CDON: variants seen among roughly 807,000 people sequenced by gnomAD.
The protein encoded by CDON is cell adhesion associated, oncogene regulated, also known as cell adhesion molecule-related/down-regulated by oncogenes.
CDON carries 73 observed loss-of-function variants against 120.9 expected under a neutral mutation model. The observed-to-expected ratio is 0.60, with a 90% CI of 0.50 to 0.73. The LOEUF is 0.73. CDON is among the 30% of genes least tolerant of loss of function. The pLI, the probability that CDON is intolerant of heterozygous loss-of-function variation, is 0.00. For missense variants in CDON, 1,470 were observed against 1,587.3 expected (o/e 0.93, Z 1.26); for synonymous variants, 566 against 573.5 (o/e 0.99, Z 0.19).
intron 18 of CDON, among the ~76,000 whole-genome samples, chr11:125,976,690 A>C (rs531343718): frequency 1.3e-5 from 2 of 152,070 alleles, no homozygotes; most frequent in Admixed American, 6.6e-5. Context: ...CAGAGGTCAT[A>C]TAAGTCCTTC....
chr11:125,966,934 A>G (rs548748496), intron 18 of CDON, among the ~76,000 whole-genome samples: 2 of 152,196 alleles, frequency 1.3e-5, no homozygotes, highest in African/African-American at 4.8e-5. Context: ...TAGACAACAA[A>G]GCTGGGAAAA....
In CDON at chr11:126,007,277, G is replaced by A. The variant is rs142371351; in HGVS notation, c.1553-1220C>T. 5.1e-3 allele frequency among the ~76,000 whole-genome samples: 773 copies of A among 152,330 alleles called. 10 individuals carry two copies. Among genetic ancestry groups the A allele is most frequent in the African/African-American group, 0.015 (618 of 41,574 alleles). On this transcript the variant is annotated intron_variant, in intron 8 of 19. Coordinates refer to ENST00000531738, the MANE Select transcript of CDON (RefSeq NM_001378964.1). ...ACCAACAGAAAACAGGACTGACAGT[G>A]TAAGGTTAGTTCTCTGTTAGTTTAA...
rs142919781 is a variant in CDON at position 125,995,023 on chromosome 11, T to C, written c.2392A>G (p.Ile798Val). The C allele has an allele frequency of 9.0e-4, 1,449 of 1,614,126 alleles. 11 individuals are homozygous for C. The African/African-American group carries it at 0.015, about 17-fold the overall frequency. Residue 798 changes from isoleucine (I) to valine (V), a missense_variant, in exon 13 of 20, where the codon ATC (isoleucine) becomes GTC (valine). Physicochemically the swap from Ile to Val is conservative, Grantham distance 29. Transcript: ENST00000531738. ...CGAAAACTCTCACCATAATGGTTGA[T>C]GGCAATGACCCTAAATTTGTATGTT... ...GSTYKFRVIA[I>V]NHYGESFRSS...
intron 14 of CDON, among the ~76,000 whole-genome samples, chr11:125,992,816 T>G (rs906636776): frequency 2.6e-5 from 4 of 152,238 alleles, no homozygotes; most frequent in Admixed American, 6.5e-5. Flanking sequence ...AGAAGTCATA[T>G]GGAAAATAAC....
At chr11:126,000,923 C>A (rs931489420) in intron 11 of CDON, among the ~76,000 whole-genome samples, 22 of 152,066 alleles carry the variant, frequency 1.4e-4, no homozygotes, top group Non-Finnish European at 2.9e-5. Flanking sequence ...GCACACCTGG[C>A]TATAAGTGTA....
chr11:126,013,288 A>G (rs756780451), intron 7 of CDON, among the ~76,000 whole-genome samples: 9 of 152,026 alleles, frequency 5.9e-5, no homozygotes, highest in Non-Finnish European at 8.8e-5. Context: ...TTGGGCTTTG[A>G]TTTTCCTTTC....
intron 15 of CDON, 58 bp from the exon 16 acceptor site, chr11:125,984,151 G>C: frequency 8.0e-7 from 1 of 1,243,724 alleles, no homozygotes; most frequent in Non-Finnish European, 1.2e-6. Context: ...CCATGAAATG[G>C]TTTACTCTCT....
intron 1 of CDON, among the ~76,000 whole-genome samples, chr11:126,050,066 T>A (rs564692726): frequency 6.6e-6 from 1 of 152,172 alleles, no homozygotes; most frequent in South Asian, 2.1e-4. Flanking sequence ...ATGAAATGAC[T>A]TCTTTAGAAG....
At chr11:126,048,233 A>G (rs1038360240) in intron 1 of CDON, among the ~76,000 whole-genome samples, 2 of 150,218 alleles carry the variant, frequency 1.3e-5, no homozygotes, top group Admixed American at 1.4e-4. Context: ...CAGTGAGCCG[A>G]CATCGCACCA....
chr11:126,059,452 C>T (rs1454400478), intron 1 of CDON, among the ~76,000 whole-genome samples: 1 of 152,060 alleles, frequency 6.6e-6, no homozygotes, highest in Non-Finnish European at 1.5e-5. Flanking sequence ...ATGGAGTCTT[C>T]TAATGTAGCC....
chr11:125,977,671 A>G (rs1946183198), intron 18 of CDON, among the ~76,000 whole-genome samples: 1 of 152,182 alleles, frequency 6.6e-6, no homozygotes, highest in African/African-American at 2.4e-5. Flanking sequence ...TACCATAGAG[A>G]GAGGTCGTAG....
Position 126,017,348 on chromosome 11 carries a change from A to G in CDON, c.668T>C (p.Leu223Pro). The change falls in exon 6 of 20, where the codon CTT becomes CCT. Residue 223 changes from leucine to proline, a missense_variant. Coordinates refer to ENST00000531738, the MANE Select transcript of CDON (RefSeq NM_001378964.1). ...SRPSSDDVHI[L>P]HPTHSQALAV... is the part of the protein sequence containing the mutation. ...TAATGCCTGTGAATGGGTGGGGTGA[A>G]GAATGTGAACATCATCTGAAGAAGG... 1.2e-6 allele frequency: 2 copies of G among 1,614,236 alleles called. No homozygotes were observed. Among genetic ancestry groups the G allele is most frequent in the Non-Finnish European group, 1.7e-6 (2 of 1,180,034 alleles).
chr11:126,037,901 C>T (rs1272202632), intron 1 of CDON, among the ~76,000 whole-genome samples: 1 of 151,956 alleles, frequency 6.6e-6, no homozygotes, highest in Non-Finnish European at 1.5e-5. Context: ...AATGAAAAAA[C>T]ACACAAACAC....
At chr11:125,965,970 A>G (rs1197644954) in intron 18 of CDON, among the ~76,000 whole-genome samples, 1 of 152,108 alleles carries the variant, frequency 6.6e-6, no homozygotes, top group Non-Finnish European at 1.5e-5. Flanking sequence ...CCGCGTCTCT[A>G]CTAAAAAATA....
At position 126,019,623 on chromosome 11, in the gene CDON, G is replaced by A; in HGVS notation, c.492C>T (p.Ser164=). ...YKIRGKWLEH[S]TENYLILPSG... Reference sequence around the variant, plus strand: ...GCTTTTCACAAAAGGTCTCACCTGTGGAATGTTCCAGCCATTTTCCCCGGA... The same window carrying A: ...GCTTTTCACAAAAGGTCTCACCTGTAGAATGTTCCAGCCATTTTCCCCGGA... Residue 164 remains serine, a synonymous_variant, in exon 4 of 20, where the codon TCC becomes TCT. Coordinates refer to ENST00000531738, the MANE Select transcript of CDON (RefSeq NM_001378964.1). 1 of 1,614,036 alleles carries A rather than the reference G, an allele frequency of 6.2e-7. No individual in the cohort carries two copies. Among genetic ancestry groups the A allele is most frequent in the East Asian group, 2.2e-5 (1 of 44,870 alleles).
At chr11:126,060,940 A>C (rs1948781058) in intron 1 of CDON, among the ~76,000 whole-genome samples, 1 of 152,236 alleles carries the variant, frequency 6.6e-6, no homozygotes, top group African/African-American at 2.4e-5. Flanking sequence ...TGAAGGCTTG[A>C]GAGTCAGAGC....
chr11:126,042,911 C>T (rs1465240992), intron 1 of CDON, among the ~76,000 whole-genome samples: 4 of 152,202 alleles, frequency 2.6e-5, no homozygotes, highest in African/African-American at 9.7e-5. Context: ...GCGTGAGCCA[C>T]CTCGCCTGGC....
chr11:125,983,128 A>G (rs1422158405), intron 16 of CDON, among the ~76,000 whole-genome samples: 1 of 152,168 alleles, frequency 6.6e-6, no homozygotes. Context: ...TCATTTCCTT[A>G]TTCTGGAGCC....
intron 1 of CDON, among the ~76,000 whole-genome samples, chr11:126,029,673 G>A (rs927192422): frequency 6.6e-6 from 1 of 151,988 alleles, no homozygotes; most frequent in Non-Finnish European, 1.5e-5. Context: ...CGGGCTCATC[G>A]AACCCAGTGG....
Sources: gnomAD v4.1 joint callset for allele counts (sites outside exome capture counted in the v4.1 genomes callset) on GRCh38, gnomAD v4.1.1 for gene constraint, MANE v1.5 for transcripts, NCBI Gene and HGNC (gene_info 2026-07-23, HGNC 2026-07-21) for gene names.